Variants in CNTN3 observed in about 807,000 individuals in gnomAD.
CNTN3 encodes contactin-3.
Under a neutral mutation model 119.1 loss-of-function variants are expected in CNTN3, and 60 were observed. The ratio of observed to expected loss-of-function variants is 0.50; its 90% CI spans 0.41 to 0.62. CNTN3 has a LOEUF of 0.62. Among genes scored for constraint, CNTN3 ranks in the 20% least tolerant of loss-of-function variants. The pLI, the probability that CNTN3 is intolerant of heterozygous loss-of-function variation, is 0.00. For missense variants in CNTN3, 1,101 were observed against 1,242.4 expected (o/e 0.89, Z 1.71); for synonymous variants, 450 against 438.7 (o/e 1.03, Z -0.32).
intron 5 of CNTN3, among the ~76,000 whole-genome samples, chr3:74,412,373 C>T (rs1021954339): frequency 2.0e-5 from 3 of 152,040 alleles, no homozygotes; most frequent in Admixed American, 1.3e-4. Context: ...GTATGTAAAA[C>T]AAATTTGGAA....
chr3:74,399,848 G>A (rs1024413993), intron 5 of CNTN3, among the ~76,000 whole-genome samples: 1 of 152,012 alleles, frequency 6.6e-6, no homozygotes, highest in Non-Finnish European at 1.5e-5. Context: ...CCCAGCCTCT[G>A]GTATTCTCTA....
At chr3:74,560,955 T>C (rs1434957097) in intron 1 of CNTN3, among the ~76,000 whole-genome samples, 7 of 140,706 alleles carry the variant, frequency 5.0e-5, no homozygotes, top group Admixed American at 1.6e-4. Context: ...ACGTTCTCAC[T>C]CATAGGTGGG....
At chr3:74,354,080 T>C (rs938151186) in intron 11 of CNTN3, among the ~76,000 whole-genome samples, 2 of 152,158 alleles carry the variant, frequency 1.3e-5, no homozygotes, top group African/African-American at 4.8e-5. Context: ...CCAGCTTTTA[T>C]CTATGTGCAG....
chr3:74,364,570 G>A lies in CNTN3; in HGVS notation c.1110C>T (p.Ala370=), dbSNP rs140460231. Residue 370 remains alanine (A), a synonymous_variant, in exon 10 of 23, where the codon GCC becomes GCT. Transcript: ENST00000263665. ...LEERTQIENG[A]LTISNLSVTD... ...TCACACTTAGGTTTGATATTGTAAGGGCACCATTTTCTATCTGTGTTCTCT... is the reference window on the plus strand; with the variant it reads ...TCACACTTAGGTTTGATATTGTAAGAGCACCATTTTCTATCTGTGTTCTCT... 9.9e-6 allele frequency: 16 copies of A among 1,609,092 alleles called. No individual in the cohort carries two copies. In the African/African-American group the frequency reaches 1.5e-4, roughly 15 times the overall value.
chr3:74,602,409 G>T (rs1347700054), intron 1 of CNTN3, among the ~76,000 whole-genome samples: 2 of 150,550 alleles, frequency 1.3e-5, no homozygotes, highest in African/African-American at 4.9e-5. Flanking sequence ...TTAGACTATT[G>T]AAATTTGGGG....
At chr3:74,571,330 G>A (rs1229173959) in intron 1 of CNTN3, among the ~76,000 whole-genome samples, 1 of 152,152 alleles carries the variant, frequency 6.6e-6, no homozygotes, top group African/African-American at 2.4e-5. Context: ...AATCACCAGG[G>A]GATGCTGCCT....
chr3:74,596,187 C>A (rs146427798), intron 1 of CNTN3, among the ~76,000 whole-genome samples: 32,797 of 151,798 alleles, frequency 0.22, 5,469 homozygotes, highest in African/African-American at 0.45. Flanking sequence ...AAATAAAAGA[C>A]GATACAAACA....
rs548175205 is a variant in CNTN3, at chr3:74,614,433, TCGCCGCCGCCGC to T, written c.-135_-124del. Among the ~76,000 whole-genome samples, 375 of 145,446 alleles carry T rather than the reference TCGCCGCCGCCGC, an allele frequency of 2.6e-3. 1 individual carries two copies. Among genetic ancestry groups the T allele is most frequent in the African/African-American group, 8.5e-3 (344 of 40,458 alleles). The stretch of plus-strand genomic sequence containing the variant: ...CCAGACGCCCGCCCCGACGGCCCAC[TCGCCGCCGCCGC>T]CGCCGCCGCCGCCGCCGCCACCGCC... On this transcript the variant is annotated 5_prime_UTR_variant, in exon 1 of 23. Transcript: ENST00000263665.
At chr3:74,547,659 A>G (rs1270001944) in intron 1 of CNTN3, among the ~76,000 whole-genome samples, 1 of 152,144 alleles carries the variant, frequency 6.6e-6, no homozygotes, top group African/African-American at 2.4e-5. Context: ...AGCTGTTTAT[A>G]TAGAAATATA....
At position 74,303,695 on chromosome 3, in the gene CNTN3, C is replaced by G. The variant is rs77381721; in HGVS notation, c.1669-888G>C. Among the ~76,000 whole-genome samples, 572 of 152,254 alleles carry G rather than the reference C, an allele frequency of 3.8e-3. 3 individuals are homozygous for G. The highest frequency in any genetic ancestry group is 0.013 in the African/African-American group (540 of 41,562). On this transcript the variant is annotated intron_variant, in intron 13 of 22. Transcript: ENST00000263665. ...GCTTGGCTGACAGGCAAGACTCTGT[C>G]TCCGCCTCCAAAAAATAAATAATAA...
At chr3:74,511,672 AAAAC>A (rs1703367117) in intron 2 of CNTN3, among the ~76,000 whole-genome samples, 1 of 152,078 alleles carries the variant, frequency 6.6e-6, no homozygotes, top group South Asian at 2.1e-4. Flanking sequence ...CCTGTCTCTA[AAAAC>A]AAACAAAGGA....
At chr3:74,416,688 A>G (rs1701527871) in intron 5 of CNTN3, among the ~76,000 whole-genome samples, 1 of 152,144 alleles carries the variant, frequency 6.6e-6, no homozygotes, top group Admixed American at 6.6e-5. Flanking sequence ...AAAATTTTCC[A>G]TCAGAAAGCA....
chr3:74,530,140 A>C (rs137926887), intron 1 of CNTN3, among the ~76,000 whole-genome samples: 2,035 of 152,106 alleles, frequency 0.013, 31 homozygotes, highest in Middle Eastern at 0.037. Flanking sequence ...TCATGTCTTC[A>C]AGGCACTGAC....
At chr3:74,453,701 T>A (rs1278466689) in intron 4 of CNTN3, among the ~76,000 whole-genome samples, 1 of 150,990 alleles carries the variant, frequency 6.6e-6, no homozygotes, top group Non-Finnish European at 1.5e-5. Context: ...GTCCCAGAGA[T>A]TCTGGTATGT....
intron 1 of CNTN3, among the ~76,000 whole-genome samples, chr3:74,533,675 T>C (rs1703724015): frequency 6.6e-6 from 1 of 152,066 alleles, no homozygotes; most frequent in African/African-American, 2.4e-5. Context: ...TGGCTTAATC[T>C]GTTTCAGGTT....
At chr3:74,516,890 T>G (rs1307518437) in intron 2 of CNTN3, among the ~76,000 whole-genome samples, 1 of 151,958 alleles carries the variant, frequency 6.6e-6, no homozygotes. Context: ...TGTTAATATA[T>G]ATCCCTGAGC....
Position 74,457,606 on chromosome 3 carries a change from T to C in CNTN3, c.358+28850A>G, listed in dbSNP as rs980391329. Reference sequence around the variant, plus strand: ...AGTCATTTCTACTACACTTTCAAAATAAACCAGTGAAAAAGGGTTTACTGT... The same window carrying C: ...AGTCATTTCTACTACACTTTCAAAACAAACCAGTGAAAAAGGGTTTACTGT... On this transcript the variant is annotated intron_variant, in intron 4 of 22. Transcript: ENST00000263665. 2.7e-5 allele frequency among the ~76,000 whole-genome samples: 3 copies of C among 113,048 alleles called. No individual in the cohort carries two copies. The Admixed American group carries it at 2.7e-4, about 10-fold the overall frequency. 74.2% of individuals were successfully genotyped at this position (113,048 alleles called of 152,430 possible).
At chr3:74,355,487 C>T (rs939130932) in intron 11 of CNTN3, among the ~76,000 whole-genome samples, 3 of 151,848 alleles carry the variant, frequency 2.0e-5, no homozygotes, top group African/African-American at 7.3e-5. Flanking sequence ...CAGGTTCTCA[C>T]TCTGTTGCCC....
chr3:74,359,547 C>T (rs1704030422), intron 11 of CNTN3, among the ~76,000 whole-genome samples: 1 of 151,896 alleles, frequency 6.6e-6, no homozygotes, highest in African/African-American at 2.4e-5. Flanking sequence ...CGAATCTATA[C>T]TTGTATTAAG....
Sources: gnomAD v4.1 joint callset for allele counts (sites outside exome capture counted in the v4.1 genomes callset) on GRCh38, gnomAD v4.1.1 for gene constraint, MANE v1.5 for transcripts, NCBI Gene and HGNC (gene_info 2026-07-23, HGNC 2026-07-21) for gene names.